Variants in KHDRBS2 observed in about 807,000 individuals in gnomAD.
KHDRBS2 encodes KH RNA binding domain containing, signal transduction associated 2.
A neutral mutation model predicts 44.3 loss-of-function variants in KHDRBS2; 26 were observed. That is an observed-to-expected ratio of 0.59 (90% confidence interval 0.43 to 0.81). KHDRBS2 has a LOEUF of 0.81. KHDRBS2 is among the 40% of genes least tolerant of loss of function. The probability of loss-of-function intolerance (pLI) is 0.00; values close to 1 mark genes in which losing one functional copy is unlikely to be tolerated. For missense variants in KHDRBS2, 476 were observed against 433.1 expected, an observed-to-expected ratio of 1.10 and a Z score of -0.88; for synonymous variants, 194 against 151.1, an observed-to-expected ratio of 1.28 and a Z score of -2.08.
intron 1 of KHDRBS2, among the ~76,000 whole-genome samples, chr6:62,208,716 C>CT (rs1401408717): frequency 6.6e-6 from 1 of 152,142 alleles, no homozygotes; most frequent in Non-Finnish European, 1.5e-5. Flanking sequence ...CTAGGATTCA[C>CT]TTTTATCCAC....
At chr6:61,931,478 T>C (rs1313905636) in intron 4 of KHDRBS2, among the ~76,000 whole-genome samples, 1 of 152,066 alleles carries the variant, frequency 6.6e-6, no homozygotes, top group Non-Finnish European at 1.5e-5. Context: ...GATATATATA[T>C]ACATAATCCT....
intron 1 of KHDRBS2, among the ~76,000 whole-genome samples, chr6:62,253,607 T>C (rs1277876487): frequency 6.6e-6 from 1 of 151,808 alleles, no homozygotes; most frequent in Non-Finnish European, 1.5e-5. Flanking sequence ...AATCTATGAA[T>C]GAATAAAACT....
At chr6:61,655,712 A>G in the KHDRBS2 span, among the ~76,000 whole-genome samples, 2 of 152,082 alleles carry the variant, frequency 1.3e-5, no homozygotes, top group Admixed American at 1.3e-4. Context: ...CTCTAAAAGA[A>G]ATTGCAATGT....
chr6:61,654,260 C>T, the KHDRBS2 span, among the ~76,000 whole-genome samples: 1 of 152,018 alleles, frequency 6.6e-6, no homozygotes, highest in Non-Finnish European at 1.5e-5. Flanking sequence ...GGTTAATAAT[C>T]GAGTATAATT....
the KHDRBS2 span, among the ~76,000 whole-genome samples, chr6:61,634,744 A>T: frequency 3.5e-4 from 53 of 152,222 alleles, no homozygotes; most frequent in Non-Finnish European, 5.4e-4. Flanking sequence ...CAGTGTATTA[A>T]TATTCAATAG....
intron 6 of KHDRBS2, among the ~76,000 whole-genome samples, chr6:61,767,129 G>A (rs1380065345): frequency 1.3e-5 from 2 of 151,868 alleles, no homozygotes; most frequent in Non-Finnish European, 2.9e-5. Context: ...ATATATCTGG[G>A]TGCTCCAATG....
chr6:61,607,519 GCAA>G, the KHDRBS2 span, among the ~76,000 whole-genome samples: 3 of 23,322 alleles, frequency 1.3e-4, no homozygotes, highest in Admixed American at 6.9e-4. Context: ...TGAGTTCCAA[GCAA>G]AAAAAAAAAA....
chr6:61,901,471 A>AT (rs1186612861), intron 4 of KHDRBS2, 100 bp from the exon 5 acceptor site: 32 of 931,834 alleles, frequency 3.4e-5, no homozygotes, highest in South Asian at 2.9e-4. Context: ...ATAGGAAATA[A>AT]TTTTTTTCAT....
intron 6 of KHDRBS2, among the ~76,000 whole-genome samples, chr6:61,862,938 GC>G (rs1488886193): frequency 1.8e-4 from 27 of 151,348 alleles, no homozygotes; most frequent in Admixed American, 1.6e-3. Context: ...CATCTGGTAA[GC>G]TATTTATCAC....
At chr6:61,597,287 T>C in the KHDRBS2 span, among the ~76,000 whole-genome samples, 1 of 152,176 alleles carries the variant, frequency 6.6e-6, no homozygotes, top group Non-Finnish European at 1.5e-5. Flanking sequence ...AGTTGTACTT[T>C]GGGGACCAAT....
At chr6:62,057,416 T>C (rs1363916552) in intron 2 of KHDRBS2, among the ~76,000 whole-genome samples, 1 of 151,976 alleles carries the variant, frequency 6.6e-6, no homozygotes, top group Non-Finnish European at 1.5e-5. Flanking sequence ...TTCTTGGAAA[T>C]TTATTTTAAG....
intron 2 of KHDRBS2, among the ~76,000 whole-genome samples, chr6:62,174,448 A>G (rs1011915796): frequency 8.6e-5 from 13 of 151,680 alleles, no homozygotes; most frequent in African/African-American, 3.1e-4. Context: ...AATATGACAT[A>G]TTTCCCCAAG....
intron 3 of KHDRBS2, among the ~76,000 whole-genome samples, chr6:62,008,540 T>C (rs1779692719): frequency 6.6e-6 from 1 of 152,198 alleles, no homozygotes; most frequent in South Asian, 2.1e-4. Flanking sequence ...CTAAGTGGTG[T>C]ATATACAAGC....
In KHDRBS2 at chr6:61,749,120, G is replaced by C. The variant is rs1472810818; in HGVS notation, c.811-16356C>G. ...CTCCGCCTCCCAGGTTCACACCATTGTCCTGCTTCAGCCTCCCGAGTAGCT... is the reference window on the plus strand; with the variant it reads ...CTCCGCCTCCCAGGTTCACACCATTCTCCTGCTTCAGCCTCCCGAGTAGCT... On this transcript the variant is annotated intron_variant, in intron 6 of 8. Transcript: ENST00000281156. 3.6e-5 allele frequency among the ~76,000 whole-genome samples: 5 copies of C among 139,964 alleles called. No homozygotes were observed. The East Asian group carries it at 1.1e-3, about 31-fold the overall frequency. 91.8% of individuals were successfully genotyped at this position (139,964 alleles called of 152,430 possible).
At chr6:61,802,858 C>A (rs1475537251) in intron 6 of KHDRBS2, among the ~76,000 whole-genome samples, 3 of 152,108 alleles carry the variant, frequency 2.0e-5, no homozygotes, top group Non-Finnish European at 4.4e-5. Context: ...ACTTAAGGAG[C>A]ACTACATTCA....
At chr6:62,016,265 T>C (rs1173247851) in intron 3 of KHDRBS2, among the ~76,000 whole-genome samples, 1 of 152,090 alleles carries the variant, frequency 6.6e-6, no homozygotes, top group Non-Finnish European at 1.5e-5. Flanking sequence ...TCACATGTAA[T>C]AATTTTTAGA....
intron 7 of KHDRBS2, among the ~76,000 whole-genome samples, chr6:61,722,166 C>T (rs972384331): frequency 6.6e-6 from 1 of 152,232 alleles, no homozygotes; most frequent in East Asian, 1.9e-4. Flanking sequence ...TGATGTGCTG[C>T]TGGATTCGGT....
the KHDRBS2 span, among the ~76,000 whole-genome samples, chr6:61,554,276 A>T: frequency 1.6e-3 from 247 of 152,054 alleles, no homozygotes; most frequent in African/African-American, 5.6e-3. Flanking sequence ...TCATTTTTTT[A>T]AAATCTTTGT....
chr6:62,199,244 C>T (rs771509788), intron 1 of KHDRBS2, among the ~76,000 whole-genome samples: 68 of 152,162 alleles, frequency 4.5e-4, no homozygotes, highest in Non-Finnish European at 8.2e-4. Context: ...CCAGGGCAAT[C>T]AGGCAGGAGA....
Sources: allele counts gnomAD v4.1 joint callset (sites outside exome capture counted in the v4.1 genomes callset), GRCh38; gene constraint gnomAD v4.1.1; transcripts MANE v1.5; gene names NCBI Gene and HGNC (gene_info 2026-07-23, HGNC 2026-07-21).